Variants in C7 observed in about 807,000 individuals in gnomAD.
C7 encodes the protein complement component C7.
C7 carries 83 observed loss-of-function variants against 104.8 expected under a neutral mutation model. That is an observed-to-expected ratio of 0.79 (90% CI 0.66 to 0.95). The LOEUF (loss-of-function observed/expected upper bound fraction) is 0.95. C7 is among the 40% of genes least tolerant of loss of function. C7 has a pLI of 0.00. For missense variants in C7, 1,070 were observed against 1,011.2 expected, an observed-to-expected ratio of 1.06 and a Z score of -0.79; for synonymous variants, 415 against 360.6, an observed-to-expected ratio of 1.15 and a Z score of -1.71.
intron 12 of C7, among the ~76,000 whole-genome samples, chr5:40,961,478 A>G (rs1032679189): frequency 6.6e-6 from 1 of 151,406 alleles, no homozygotes; most frequent in Non-Finnish European, 1.5e-5. Context: ...TCCGCCTCCC[A>G]AGCTCAGGAG....
intron 16 of C7, 129 bp from the exon 17 acceptor site, chr5:40,979,596 C>CT (rs35148902): frequency 6.7e-3 from 3,425 of 511,402 alleles, no homozygotes; most frequent in Non-Finnish European, 8.0e-3. Context: ...GAGTTTCCAC[C>CT]TTTTTTTTTT....
intron 1 of C7, among the ~76,000 whole-genome samples, chr5:40,927,788 G>A (rs1305738884): frequency 6.6e-6 from 1 of 152,016 alleles, no homozygotes; most frequent in African/African-American, 2.4e-5. Context: ...AAGACAAAAG[G>A]TAACAAGCAT....
chr5:40,979,955 A>G (rs1402444468), intron 17 of C7, 46 bp downstream of exon 17: 2 of 1,462,026 alleles, frequency 1.4e-6, no homozygotes, highest in East Asian at 4.7e-5. Flanking sequence ...CTAAAGTCAC[A>G]GTACTGAGGA....
chr5:40,947,311 G>C (rs1040525862), intron 7 of C7, among the ~76,000 whole-genome samples: 23 of 151,770 alleles, frequency 1.5e-4, no homozygotes, highest in Non-Finnish European at 8.8e-5. Context: ...TGTTGGCCAG[G>C]CTGGTCTCAA....
intron 14 of C7, among the ~76,000 whole-genome samples, 151 bp downstream of exon 14, chr5:40,965,024 G>A (rs1349457285): frequency 6.6e-6 from 1 of 152,132 alleles, no homozygotes; most frequent in Admixed American, 6.6e-5. Flanking sequence ...GGAGCGACTT[G>A]AATAAGCCCT....
intron 5 of C7, 73 bp downstream of exon 5, chr5:40,936,558 G>A (rs1157014628): frequency 2.8e-6 from 4 of 1,412,682 alleles, no homozygotes; most frequent in East Asian, 2.4e-5. Context: ...TTATAGTTTG[G>A]TAAGTCTACG....
rs1244374301 is a variant in C7, at chr5:40,945,194, G to T, written c.568-4G>T. 2 of 1,433,134 alleles carry T rather than the reference G, an allele frequency of 1.4e-6. No individual in the cohort carries two copies. Among genetic ancestry groups the T allele is most frequent in the Admixed American group, 2.5e-5 (1 of 40,018 alleles). 88.8% of individuals were successfully genotyped at this position (1,433,134 alleles called of 1,614,324 possible). A position where few individuals can be genotyped will look rare whatever the true frequency, so the allele number is the denominator to read the frequency against. ...CATAGCAAAATTTTTCATTTTCTTT[G>T]TAGGTGAAAATAAATAATGATTTTA... On this transcript the variant is annotated splice_region_variant and splice_polypyrimidine_tract_variant and intron_variant, in intron 6 of 17. Transcript: ENST00000313164.
intron 6 of C7, among the ~76,000 whole-genome samples, chr5:40,940,896 C>T (rs1431279067): frequency 1.3e-5 from 2 of 152,022 alleles, no homozygotes; most frequent in African/African-American, 4.8e-5. Flanking sequence ...GCTCCAAACC[C>T]CCTCAGAGCA....
intron 14 of C7, among the ~76,000 whole-genome samples, chr5:40,965,646 A>AT (rs1247964584): frequency 3.9e-4 from 39 of 99,076 alleles, no homozygotes; most frequent in Non-Finnish European, 5.5e-4. Context: ...ATATATATAT[A>AT]TATTTTTTTT....
chr5:40,928,546 G>A, intron 1 of C7, 34 bp from the exon 2 acceptor site: 4 of 1,232,734 alleles, frequency 3.2e-6, no homozygotes, highest in Non-Finnish European at 3.4e-6. Context: ...AGAAATGCAA[G>A]CTAAAATAAT....
chr5:40,918,179 G>T (rs1003117851), intron 1 of C7, among the ~76,000 whole-genome samples: 1 of 151,712 alleles, frequency 6.6e-6, no homozygotes, highest in Non-Finnish European at 1.5e-5. Flanking sequence ...AACATAGGGT[G>T]GCCCTATCTC....
intron 8 of C7, 37 bp downstream of exon 8, chr5:40,947,882 C>T (rs1740085182): frequency 1.3e-6 from 2 of 1,591,074 alleles, no homozygotes; most frequent in Non-Finnish European, 1.7e-6. Context: ...AAAGGCATTT[C>T]TGGGATTTTA....
Position 40,973,955 on chromosome 5 carries a change from T to A in C7, c.2074+1361T>A, listed in dbSNP as rs112067789. The stretch of plus-strand genomic sequence containing the variant: ...GAAGATGTGAATAACAGTAACTACT[T>A]CTAAGCCTATAACAAACAAAAAAAT... On this transcript the variant is annotated intron_variant, in intron 15 of 17. Coordinates refer to ENST00000313164, the MANE Select transcript of C7 (RefSeq NM_000587.4). Among the ~76,000 whole-genome samples the A allele has an allele frequency of 4.9e-3, 748 of 152,332 alleles. 8 individuals are homozygous for A. Among genetic ancestry groups the A allele is most frequent in the African/African-American group, 0.017 (721 of 41,578 alleles).
At position 40,981,426 on chromosome 5, in the gene C7, G is replaced by A. The variant is rs751682564; in HGVS notation, c.2385G>A (p.Ser795=). 18 of 1,613,072 alleles carry A rather than the reference G, an allele frequency of 1.1e-5. No individual in the cohort carries two copies. Among genetic ancestry groups the A allele is most frequent in the Middle Eastern group, 1.6e-4 (1 of 6,080 alleles). Reference sequence around the variant, plus strand: ...GCAAATGTGTCTGCCGAGAAGCATCGGAGTGCGAGGAAGAAGGGTTTAGCA... The same window carrying A: ...GCAAATGTGTCTGCCGAGAAGCATCAGAGTGCGAGGAAGAAGGGTTTAGCA... ...ESSKCVCREA[S]ECEEEGFSIC... is the part of the protein sequence containing the mutation. The change falls in exon 18 of 18, where the codon TCG becomes TCA. Residue 795 remains serine (S), a synonymous_variant. Coordinates refer to ENST00000313164, the MANE Select transcript of C7 (RefSeq NM_000587.4).
intron 6 of C7, among the ~76,000 whole-genome samples, chr5:40,944,436 G>C (rs1740004175): frequency 6.6e-6 from 1 of 152,184 alleles, no homozygotes; most frequent in Admixed American, 6.5e-5. Flanking sequence ...TTTGAGTGTT[G>C]TGTGTCCCTT....
rs1740384458 is a variant in C7 at position 40,959,640 on chromosome 5, C to G, written c.1661+20C>G. On this transcript the variant is annotated intron_variant, in intron 12 of 17. Transcript: ENST00000313164. ...CTTGAGGTAATGGAGACCCGACCCC[C>G]TGGCAGTTGCATAGAACACAGTACC... 4 of 1,553,064 alleles carry G rather than the reference C, an allele frequency of 2.6e-6. No individual in the cohort carries two copies. In the South Asian group the frequency reaches 5.0e-5, roughly 19 times the overall value.
chr5:40,962,099 A>G lies in C7; in HGVS notation c.1676A>G (p.His559Arg), dbSNP rs141595076. The change falls in exon 13 of 18, where the codon CAT (histidine) becomes CGT (arginine). Residue 559 changes from histidine (H) to arginine (R), a missense_variant. Physicochemically the swap from His to Arg is conservative, Grantham distance 29. Coordinates refer to ENST00000313164, the MANE Select transcript of C7 (RefSeq NM_000587.4). ...TTTCCTTCCAGGTTGCTTGAACCAC[A>G]TTGCTTTCCTTTGTCTTTGGTTCCA... ...ELEHLRLLEP[H>R]CFPLSLVPTE... 281 of 1,546,664 alleles carry G rather than the reference A, an allele frequency of 1.8e-4. 1 individual carries two copies. The African/African-American group carries it at 3.2e-3, about 18-fold the overall frequency.
chr5:40,928,537 GA>G, intron 1 of C7, 42 bp from the exon 2 acceptor site: 8 of 1,130,430 alleles, frequency 7.1e-6, no homozygotes, highest in Non-Finnish European at 9.0e-6. Context: ...GTTATAAAAA[GA>G]AATGCAAGCT....
At chr5:40,974,562 C>A (rs370984641) in intron 15 of C7, among the ~76,000 whole-genome samples, 1 of 151,904 alleles carries the variant, frequency 6.6e-6, no homozygotes, top group South Asian at 2.1e-4. Context: ...ACTACAGGTG[C>A]TCGCCACCAT....
Sources: gnomAD v4.1 joint callset for allele counts (sites outside exome capture counted in the v4.1 genomes callset) on GRCh38, gnomAD v4.1.1 for gene constraint, MANE v1.5 for transcripts, NCBI Gene and HGNC (gene_info 2026-07-23, HGNC 2026-07-21) for gene names.